TJP1: variants seen among roughly 807,000 people sequenced by gnomAD.
TJP1 encodes the protein tight junction protein ZO-1.
A neutral mutation model predicts 194.2 loss-of-function variants in TJP1; 43 were observed. That is an observed-to-expected ratio of 0.22 (90% confidence interval 0.17 to 0.29). The LOEUF is 0.29. TJP1 is among the 10% of genes least tolerant of loss of function. The pLI, the probability that TJP1 is intolerant of heterozygous loss-of-function variation, is 1.00. For synonymous variants in TJP1, 801 were observed against 779.0 expected (o/e 1.03, Z -0.47); for missense variants, 1,971 against 2,185.7 (o/e 0.90, Z 1.96).
At chr15:29,819,631 A>G (rs1465106951) in intron 1 of TJP1, among the ~76,000 whole-genome samples, 1 of 152,204 alleles carries the variant, frequency 6.6e-6, no homozygotes, top group Non-Finnish European at 1.5e-5. Context: ...CTATCATTTT[A>G]TCATGTAGGT....
At chr15:29,850,173 T>C (rs1196681216) in intron 2 of TJP1, among the ~76,000 whole-genome samples, 1 of 152,174 alleles carries the variant, frequency 6.6e-6, no homozygotes, top group Non-Finnish European at 1.5e-5. Context: ...CAAAAACGTA[T>C]GACACTTAAG....
At chr15:29,930,487 A>G (rs1410422480) in intron 2 of TJP1, among the ~76,000 whole-genome samples, 1 of 152,228 alleles carries the variant, frequency 6.6e-6, no homozygotes, top group Non-Finnish European at 1.5e-5. Flanking sequence ...CTGCATTATC[A>G]TCTTAACAGG....
chr15:29,793,682 A>G (rs560204453), intron 2 of TJP1, among the ~76,000 whole-genome samples: 1 of 152,264 alleles, frequency 6.6e-6, no homozygotes, highest in South Asian at 2.1e-4. Context: ...TAGCAAGGGG[A>G]GATGGGGCTA....
At chr15:29,837,810 G>A (rs1163277924) in intron 2 of TJP1, among the ~76,000 whole-genome samples, 3 of 152,086 alleles carry the variant, frequency 2.0e-5, no homozygotes, top group Admixed American at 6.5e-5. Flanking sequence ...TCTTTGAACT[G>A]CCTGCAGTGG....
intron 24 of TJP1, 122 bp from the exon 25 acceptor site, chr15:29,709,158 G>T: frequency 1.1e-6 from 1 of 897,048 alleles, no homozygotes. Context: ...GCCAGAGCCT[G>T]ACTCTTGAGC....
At chr15:29,849,653 T>C (rs1489655981) in intron 2 of TJP1, among the ~76,000 whole-genome samples, 1 of 151,104 alleles carries the variant, frequency 6.6e-6, no homozygotes, top group African/African-American at 2.4e-5. Context: ...GCAGGAGAAT[T>C]GCTTGAACCC....
upstream of TJP1, chr15:29,822,529 G>C: frequency 1.0e-6 from 1 of 975,270 alleles, no homozygotes. Context: ...GGCTGGACGA[G>C]GCGAGGCGAG....
chr15:29,853,994 T>C (rs2051747268), intron 2 of TJP1, among the ~76,000 whole-genome samples: 1 of 152,188 alleles, frequency 6.6e-6, no homozygotes, highest in African/African-American at 2.4e-5. Context: ...TTTCCATGAA[T>C]TCTGCATGAG....
At position 29,705,654 on chromosome 15, in the gene TJP1, T is replaced by G. The variant is rs1219797783; in HGVS notation, c.4942A>C (p.Ser1648Arg). ...GIFNSNGGVL[S>R]SIETGVSIII... is the part of the protein sequence containing the mutation. ...ATACTAACACCAGTTTCTATGGAAC[T>G]CAGCACGCCCCCATTGCTGTTAAAT... Residue 1648 changes from serine (S) to arginine (R), a missense_variant, in exon 26 of 28, where the codon AGT (serine) becomes CGT (arginine). By Grantham distance (110) the Ser-to-Arg change is moderately radical. Transcript: ENST00000614355. 1.2e-6 allele frequency: 2 copies of G among 1,614,210 alleles called. No individual in the cohort carries two copies. Among genetic ancestry groups the G allele is most frequent in the Non-Finnish European group, 1.7e-6 (2 of 1,180,044 alleles).
chr15:29,926,025 C>T (rs1052210967), intron 2 of TJP1, among the ~76,000 whole-genome samples: 1 of 152,140 alleles, frequency 6.6e-6, no homozygotes, highest in Admixed American at 6.5e-5. Context: ...GGGAGGGAGC[C>T]GCCAGCTAGT....
At chr15:29,705,845 T>TG (rs1426115268) in intron 25 of TJP1, 100 bp from the exon 26 acceptor site, 1 of 1,005,856 alleles carries the variant, frequency 9.9e-7, no homozygotes, top group African/African-American at 1.6e-5. Context: ...TATTTCTCCA[T>TG]ATAATCAAGA....
At chr15:29,746,357 G>A (rs928432013) in intron 8 of TJP1, among the ~76,000 whole-genome samples, 10 of 150,586 alleles carry the variant, frequency 6.6e-5, no homozygotes, top group Admixed American at 2.6e-4. Flanking sequence ...CAGCCTGGAC[G>A]ACAGAGTGAG....
In TJP1 at chr15:29,745,638, T is replaced by G. The variant is rs45464497; in HGVS notation, c.1011-2857A>C. Among the ~76,000 whole-genome samples, 639 of 152,316 alleles carry G rather than the reference T, an allele frequency of 4.2e-3. 5 individuals are homozygous for G. Among genetic ancestry groups the G allele is most frequent in the African/African-American group, 0.015 (603 of 41,564 alleles). Reference sequence around the variant, plus strand: ...AATCTGGTACTAGCCATTAAAAATTTTGAACAACACAAACACACTCTTTAA... The same window carrying G: ...AATCTGGTACTAGCCATTAAAAATTGTGAACAACACAAACACACTCTTTAA... On this transcript the variant is annotated intron_variant, in intron 8 of 27. Coordinates refer to ENST00000614355, the MANE Select transcript of TJP1 (RefSeq NM_001330239.4).
intron 2 of TJP1, among the ~76,000 whole-genome samples, chr15:29,908,043 T>C (rs1329994976): frequency 9.1e-5 from 1 of 10,998 alleles, no homozygotes; most frequent in Non-Finnish European, 1.8e-4. Flanking sequence ...AATTACCTTA[T>C]AAAGCAAAAA....
intron 2 of TJP1, among the ~76,000 whole-genome samples, chr15:29,944,217 C>A (rs769051779): frequency 6.6e-6 from 1 of 151,714 alleles, no homozygotes; most frequent in Non-Finnish European, 1.5e-5. Flanking sequence ...CTCTGCCTCC[C>A]GACTAGCTGG....
At chr15:29,740,660 A>ATAGTT (rs2044353463) in intron 10 of TJP1, among the ~76,000 whole-genome samples, 1 of 152,042 alleles carries the variant, frequency 6.6e-6, no homozygotes, top group Non-Finnish European at 1.5e-5. Context: ...ACAAACAAAA[A>ATAGTT]ACTAATTTGA....
intron 27 of TJP1, among the ~76,000 whole-genome samples, 158 bp from the exon 28 acceptor site, chr15:29,701,847 AG>A (rs1305742959): frequency 6.6e-6 from 1 of 152,266 alleles, no homozygotes; most frequent in African/African-American, 2.4e-5. Context: ...ATTTCAAAGC[AG>A]ATCTGCTGGC....
intron 2 of TJP1, among the ~76,000 whole-genome samples, chr15:29,857,872 C>T (rs1019543521): frequency 3.9e-5 from 6 of 152,206 alleles, no homozygotes; most frequent in African/African-American, 1.4e-4. Flanking sequence ...AGCAATTCTC[C>T]TGCCTCAGCC....
rs1020267594 is a variant in TJP1 at position 29,968,717 on chromosome 15, G to A, written c.123C>T (p.Gly41=). Residue 41 remains glycine (G), a synonymous_variant, in exon 1 of 29, where the codon GGC becomes GGT. Transcript: ENST00000356107. ...GGCTGCCGCGGTTGGAGGGGGTGAC[G>A]CCGATGGCCATCTGCAGCACCGTCA... 5.8e-6 allele frequency: 7 copies of A among 1,212,800 alleles called. No individual in the cohort carries two copies. In the African/African-American group the frequency reaches 8.1e-5, roughly 14 times the overall value. The allele number at this position is 1,212,800 out of a possible 1,614,324, so 75.1% of individuals were successfully genotyped here.
Sources: allele counts gnomAD v4.1 joint callset (sites outside exome capture counted in the v4.1 genomes callset), GRCh38; gene constraint gnomAD v4.1.1; transcripts MANE v1.5; gene names NCBI Gene and HGNC (gene_info 2026-07-23, HGNC 2026-07-21).